KLHDC4: variants seen among roughly 807,000 people sequenced by gnomAD.
The protein encoded by KLHDC4 is kelch domain-containing protein 4.
Under a neutral mutation model 62.4 loss-of-function variants are expected in KLHDC4, and 90 were observed. That is an observed-to-expected ratio of 1.44 (90% CI 1.22 to 1.72). The LOEUF (loss-of-function observed/expected upper bound fraction) is 1.72, where lower values mean the gene tolerates loss of function less well. Among genes scored for constraint, KLHDC4 ranks in the 40% most tolerant of loss-of-function variants. KLHDC4 has a pLI of 0.00. For missense variants in KLHDC4, 1,025 were observed against 699.7 expected (o/e 1.47, Z -5.25); for synonymous variants, 386 against 284.4 (o/e 1.36, Z -3.59).
At position 87,744,475 on chromosome 16, in the gene KLHDC4, C is replaced by T. The variant is rs578114036; in HGVS notation, c.506+4198G>A. ...GCAGACACCTGTAATCCCAGCTACT[C>T]GGGACACTGAGGCACAAGAATGGCT... On this transcript the variant is annotated intron_variant, in intron 5 of 11. Transcript: ENST00000270583. Among the ~76,000 whole-genome samples the T allele has an allele frequency of 4.0e-5, 6 of 150,762 alleles. No individual in the cohort carries two copies. The East Asian group carries it at 9.7e-4, about 24-fold the overall frequency.
Position 87,726,773 on chromosome 16 carries a change from A to T in KLHDC4, c.751T>A (p.Ser251Thr), listed in dbSNP as rs775092028. 6.7e-7 allele frequency: 1 copy of T among 1,488,952 alleles called. No homozygotes were observed. 92.2% of individuals were successfully genotyped at this position (1,488,952 alleles called of 1,614,324 possible). A position where few individuals can be genotyped will look rare whatever the true frequency, so the allele number is the denominator to read the frequency against. The change falls in exon 7 of 12, where the codon TCG becomes ACG. Residue 251 changes from serine (S) to threonine (T), a missense_variant. By Grantham distance (58) the Ser-to-Thr change is moderately conservative. Coordinates refer to ENST00000270583, the MANE Select transcript of KLHDC4 (RefSeq NM_017566.4). ...QGGIVVYGGYSKQRVKKDVDK... is the reference protein window; with the variant it reads ...QGGIVVYGGYTKQRVKKDVDK... ...CCCACCCCCCGCCTTACCTGTTTCG[A>T]GTAGCCCCCATAGACGACGATGCCG...
At chr16:87,733,831 G>A (rs925109083) in intron 5 of KLHDC4, among the ~76,000 whole-genome samples, 6 of 152,100 alleles carry the variant, frequency 3.9e-5, no homozygotes, top group African/African-American at 9.6e-5. Context: ...GGGATCCTCC[G>A]TGGCTTTCAC....
downstream of KLHDC4, among the ~76,000 whole-genome samples, chr16:87,705,330 C>T (rs868600543): frequency 3.6e-4 from 55 of 152,360 alleles, 1 homozygote; most frequent in Middle Eastern, 6.8e-3. Context: ...GGCAGAGCTC[C>T]GCCCAGGAAT....
chr16:87,720,471 G>A lies in KLHDC4; in HGVS notation c.760-5898C>T, dbSNP rs564494962. 3.3e-5 allele frequency among the ~76,000 whole-genome samples: 5 copies of A among 152,266 alleles called. No individual in the cohort carries two copies. The East Asian group carries it at 9.7e-4, about 29-fold the overall frequency. On this transcript the variant is annotated intron_variant, in intron 7 of 11. Transcript: ENST00000270583. ...CAGCAACCCATCAAGAGCACAGCTC[G>A]GGCAAGCAGCGACCGCACGCACCGT... is the stretch of plus-strand genomic sequence containing the variant.
exon 1 of KLHDC4, chr16:87,702,518 C>G (rs1054247459): frequency 5.6e-5 from 20 of 356,120 alleles, no homozygotes; most frequent in East Asian, 4.5e-4. Context: ...CAGGCATGTC[C>G]GTGGCCTCCT....
At chr16:87,715,731 C>A (rs1045243676) in intron 7 of KLHDC4, among the ~76,000 whole-genome samples, 1 of 152,232 alleles carries the variant, frequency 6.6e-6, no homozygotes, top group African/African-American at 2.4e-5. Flanking sequence ...TCCACACCAT[C>A]AACAGGACTC....
chr16:87,722,904 G>A (rs1421558309), intron 7 of KLHDC4, among the ~76,000 whole-genome samples: 4 of 152,270 alleles, frequency 2.6e-5, no homozygotes, highest in African/African-American at 4.8e-5. Flanking sequence ...AATGTGAGGT[G>A]AGGGTGGGTG....
At chr16:87,731,714 T>G (rs1413731117) in intron 5 of KLHDC4, among the ~76,000 whole-genome samples, 1 of 152,082 alleles carries the variant, frequency 6.6e-6, no homozygotes, top group Admixed American at 6.6e-5. Flanking sequence ...AGACATGGAC[T>G]CAAGAGAAAG....
At chr16:87,751,310 C>T (rs2043890589) in intron 4 of KLHDC4, among the ~76,000 whole-genome samples, 2 of 151,980 alleles carry the variant, frequency 1.3e-5, no homozygotes, top group Admixed American at 1.3e-4. Context: ...CCTGTCTGTA[C>T]TAAAAATATA....
At chr16:87,721,192 G>A (rs185638028) in intron 7 of KLHDC4, among the ~76,000 whole-genome samples, 54 of 152,266 alleles carry the variant, frequency 3.5e-4, no homozygotes, top group African/African-American at 1.2e-3. Context: ...AGGCCGAGAC[G>A]GGCGGATCAC....
At chr16:87,762,333 T>C (rs1285584923) in intron 1 of KLHDC4, among the ~76,000 whole-genome samples, 1 of 152,194 alleles carries the variant, frequency 6.6e-6, no homozygotes, top group Non-Finnish European at 1.5e-5. Context: ...GTGACTTCAC[T>C]GCAGACACTC....
In KLHDC4 at chr16:87,731,696, C is replaced by T. The variant is rs191503251; in HGVS notation, c.507-1052G>A. Among the ~76,000 whole-genome samples, 442 of 152,240 alleles carry T rather than the reference C, an allele frequency of 2.9e-3. 1 individual carries two copies. The highest frequency in any genetic ancestry group is 8.8e-3 in the African/African-American group (365 of 41,532). ...TAAACTTAGCGCACAGCTTAGCAATCTGACATAAGACATGGACTCAAGAGA... is the reference window on the plus strand; with the variant it reads ...TAAACTTAGCGCACAGCTTAGCAATTTGACATAAGACATGGACTCAAGAGA... On this transcript the variant is annotated intron_variant, in intron 5 of 11. Transcript: ENST00000270583.
chr16:87,763,071 T>C (rs1295245852), intron 1 of KLHDC4, among the ~76,000 whole-genome samples: 2 of 152,194 alleles, frequency 1.3e-5, no homozygotes, highest in Admixed American at 6.5e-5. Flanking sequence ...GTACACTGCT[T>C]AGTATTCTAA....
chr16:87,717,347 T>C (rs2037207532), intron 7 of KLHDC4, among the ~76,000 whole-genome samples: 1 of 152,262 alleles, frequency 6.6e-6, no homozygotes, highest in Non-Finnish European at 1.5e-5. Flanking sequence ...TTTATGGTTA[T>C]TTTTCTTATA....
intron 8 of KLHDC4, among the ~76,000 whole-genome samples, chr16:87,713,036 A>G (rs1269975055): frequency 6.6e-6 from 1 of 152,090 alleles, no homozygotes; most frequent in Non-Finnish European, 1.5e-5. Context: ...CCTTCTATTT[A>G]TTTTTTATTT....
At chr16:87,729,918 G>A (rs2040036908) in intron 6 of KLHDC4, among the ~76,000 whole-genome samples, 1 of 152,206 alleles carries the variant, frequency 6.6e-6, no homozygotes, top group Non-Finnish European at 1.5e-5. Flanking sequence ...AGGGTATTCT[G>A]AACCAGGCTA....
chr16:87,702,381 C>A (rs893720601), exon 1 of KLHDC4: 2 of 422,630 alleles, frequency 4.7e-6, no homozygotes, highest in African/African-American at 2.0e-5. Context: ...GCGGGCCCTG[C>A]AGGGCAGTGC....
exon 1 of KLHDC4, chr16:87,699,137 G>A (rs55707244): frequency 6.6e-6 from 1 of 152,296 alleles, no homozygotes; most frequent in South Asian, 2.1e-4. Flanking sequence ...AGCTGGAGAA[G>A]ACCCTCTGCC....
intron 2 of KLHDC4, among the ~76,000 whole-genome samples, chr16:87,759,444 A>C (rs28563076): frequency 6.7e-6 from 1 of 149,164 alleles, no homozygotes; most frequent in African/African-American, 2.5e-5. Flanking sequence ...AAAAAAAAAA[A>C]CTTTTTAAAA....
Sources: gnomAD v4.1 joint callset for allele counts (sites outside exome capture counted in the v4.1 genomes callset) on GRCh38, gnomAD v4.1.1 for gene constraint, MANE v1.5 for transcripts, NCBI Gene and HGNC (gene_info 2026-07-23, HGNC 2026-07-21) for gene names.